The following FRYL variants were observed in gnomAD, a reference collection of about 807,000 sequenced individuals.
FRYL encodes the protein FRY like transcription coactivator, also known as protein furry homolog-like.
FRYL carries 150 observed loss-of-function variants against 351.2 expected under a neutral mutation model. That is an observed-to-expected ratio of 0.43 (90% CI 0.37 to 0.49). The LOEUF is 0.49. Ranked by LOEUF, FRYL falls within the 20% of genes least tolerant of loss-of-function variation. FRYL has a pLI of 0.00. For missense variants in FRYL, 3,036 were observed against 3,619.3 expected (o/e 0.84, Z 4.13); for synonymous variants, 1,153 against 1,257.1 (o/e 0.92, Z 1.75).
Position 48,521,028 on chromosome 4 carries a change from C to T in FRYL, c.7689+20G>A, listed in dbSNP as rs1342772987. The T allele has an allele frequency of 3.0e-5, 47 of 1,587,234 alleles. No homozygotes were observed. Among genetic ancestry groups the T allele is most frequent in the Middle Eastern group, 1.9e-4 (1 of 5,348 alleles). ...AAAAGAGCCCAGATTGGCCATGCAC[C>T]AGCCTCCATTTCTCCCCACCTCAGG... is the stretch of plus-strand genomic sequence containing the variant. On this transcript the variant is annotated intron_variant, in intron 55 of 63. Coordinates refer to ENST00000358350, the MANE Select transcript of FRYL (RefSeq NM_015030.2).
At chr4:48,553,445 T>C in intron 35 of FRYL, 62 bp from the exon 36 acceptor site, 1 of 1,193,120 alleles carries the variant, frequency 8.4e-7, no homozygotes, top group Non-Finnish European at 1.2e-6. Context: ...TAATTTCTCC[T>C]GAGACAAACT....
rs559123131 is a variant in FRYL, at chr4:48,713,176, A to G, written c.-383-2478T>C. Among the ~76,000 whole-genome samples, 52 of 152,212 alleles carry G rather than the reference A, an allele frequency of 3.4e-4. 1 individual carries two copies. In the South Asian group the frequency reaches 9.6e-3, roughly 28 times the overall value. ...CTAGGAAGAAACTGCATCAACTAAC[A>G]AGCAAAATAACCAGCTAACATCATA... On this transcript the variant is annotated intron_variant, in intron 1 of 63. Transcript: ENST00000358350.
intron 3 of FRYL, among the ~76,000 whole-genome samples, chr4:48,650,232 G>A (rs1042716704): frequency 5.3e-5 from 8 of 152,072 alleles, no homozygotes; most frequent in African/African-American, 1.7e-4. Flanking sequence ...AATTATAAAA[G>A]GGGTCATATA....
At chr4:48,655,792 CAT>C (rs1450147321) in intron 3 of FRYL, among the ~76,000 whole-genome samples, 1 of 142,242 alleles carries the variant, frequency 7.0e-6, no homozygotes, top group African/African-American at 2.6e-5. Flanking sequence ...ATTATATAAT[CAT>C]ATATAATGTA....
rs1007442280 is a variant in FRYL at position 48,535,775 on chromosome 4, C to G, written c.6446G>C (p.Ser2149Thr). Reference sequence around the variant, plus strand: ...GGAATACGTGTGTGTACTGTACAAACTCATCATGTGTGCCAGATTGACAAG... The same window carrying G: ...GGAATACGTGTGTGTACTGTACAAAGTCATCATGTGTGCCAGATTGACAAG... The part of the protein sequence containing the change: ...PTLVNLAHMM[S>T]LYSTHTYSRD... The change falls in exon 48 of 64, where the codon AGT becomes ACT. Residue 2149 changes from serine (S) to threonine (T), a missense_variant. Physicochemically the swap from Ser to Thr is moderately conservative, Grantham distance 58 (BLOSUM62 1). Around this residue, in one of 7 missense-constraint regions of FRYL, gnomAD observed 1,987 missense variants for 2,311.7 expected, o/e 0.86. Coordinates refer to ENST00000358350, the MANE Select transcript of FRYL (RefSeq NM_015030.2). The G allele has an allele frequency of 3.2e-6, 5 of 1,583,376 alleles. No homozygotes were observed. In the East Asian group the frequency reaches 9.1e-5, roughly 29 times the overall value.
intron 1 of FRYL, among the ~76,000 whole-genome samples, chr4:48,750,119 A>AGT (rs1249282044): frequency 2.9e-5 from 4 of 140,264 alleles, no homozygotes; most frequent in Middle Eastern, 4.2e-3. Context: ...GGTTGATAGA[A>AGT]CAAGACTCCA....
intron 59 of FRYL, among the ~76,000 whole-genome samples, chr4:48,508,319 G>C (rs1272474772): frequency 6.6e-6 from 1 of 152,146 alleles, no homozygotes; most frequent in African/African-American, 2.4e-5. Context: ...GAATGAGACT[G>C]CATTAAACCT....
chr4:48,644,805 G>C (rs1055604677), intron 3 of FRYL, among the ~76,000 whole-genome samples: 4 of 151,710 alleles, frequency 2.6e-5, no homozygotes, highest in African/African-American at 9.7e-5. Flanking sequence ...CTGTAGCCTA[G>C]AGAGCAAACC....
chr4:48,774,512 T>C (rs553477313), intron 1 of FRYL, among the ~76,000 whole-genome samples: 3 of 152,200 alleles, frequency 2.0e-5, no homozygotes, highest in East Asian at 3.9e-4. Context: ...TTGTCAAAGT[T>C]AAAAATATTT....
At chr4:48,541,466 G>A (rs1041251661) in intron 45 of FRYL, among the ~76,000 whole-genome samples, 4 of 152,184 alleles carry the variant, frequency 2.6e-5, no homozygotes, top group African/African-American at 9.7e-5. Context: ...TATTAGACAA[G>A]TCTTTTGAAA....
rs1736468939 is a variant in FRYL, at chr4:48,565,096, TGGTTGC to T, written c.3331-59_3331-54del. 6 of 1,068,748 alleles carry T rather than the reference TGGTTGC, an allele frequency of 5.6e-6. No homozygotes were observed. The East Asian group carries it at 1.6e-4, about 28-fold the overall frequency. 66.2% of individuals were successfully genotyped at this position (1,068,748 alleles called of 1,614,324 possible). A position where few individuals can be genotyped will look rare whatever the true frequency, so the allele number is the denominator to read the frequency against. ...TTAACAAATTTAAGAGGTTAAATGTTGGTTGCTTAATGAGAAGAGGCAAAATACTTA... is the reference window on the plus strand; with the variant it reads ...TTAACAAATTTAAGAGGTTAAATGTTTTAATGAGAAGAGGCAAAATACTTA... On this transcript the variant is annotated intron_variant, in intron 29 of 63. Coordinates refer to ENST00000358350, the MANE Select transcript of FRYL (RefSeq NM_015030.2).
intron 3 of FRYL, among the ~76,000 whole-genome samples, chr4:48,635,001 A>G (rs1432495519): frequency 2.6e-5 from 4 of 152,172 alleles, no homozygotes; most frequent in Non-Finnish European, 5.9e-5. Flanking sequence ...TGATTTTTAA[A>G]ATGAGGGAGC....
chr4:48,657,830 A>G (rs957993708), intron 3 of FRYL, among the ~76,000 whole-genome samples: 3 of 152,238 alleles, frequency 2.0e-5, no homozygotes, highest in African/African-American at 7.2e-5. Flanking sequence ...TCCTCCTGGC[A>G]TGAGCCAAAT....
chr4:48,778,690 A>T (rs1046954022), intron 1 of FRYL, among the ~76,000 whole-genome samples: 4 of 152,258 alleles, frequency 2.6e-5, no homozygotes, highest in Non-Finnish European at 4.4e-5. Flanking sequence ...GACGTCTTAT[A>T]CTAGTTTTTA....
chr4:48,693,557 A>G (rs1222741180), intron 2 of FRYL, among the ~76,000 whole-genome samples: 12 of 152,152 alleles, frequency 7.9e-5, no homozygotes, highest in Admixed American at 1.3e-4. Context: ...GAAGACATAA[A>G]TATTAAAATA....
intron 1 of FRYL, among the ~76,000 whole-genome samples, chr4:48,718,847 A>G (rs1188069704): frequency 6.6e-6 from 1 of 151,118 alleles, no homozygotes; most frequent in Non-Finnish European, 1.5e-5. Flanking sequence ...ATGCTCCCCC[A>G]ACACACAAAA....
intron 2 of FRYL, among the ~76,000 whole-genome samples, chr4:48,708,979 T>C (rs1282515577): frequency 6.7e-6 from 1 of 149,330 alleles, no homozygotes; most frequent in Non-Finnish European, 1.5e-5. Context: ...CTGGATGCGG[T>C]GGCGCGATCT....
chr4:48,707,777 T>A (rs1347174396), intron 2 of FRYL, among the ~76,000 whole-genome samples: 1 of 152,042 alleles, frequency 6.6e-6, no homozygotes, highest in Non-Finnish European at 1.5e-5. Context: ...TGCCAAAGAA[T>A]CACACCCTTC....
intron 31 of FRYL, 38 bp downstream of exon 31, chr4:48,563,910 C>T: frequency 6.3e-7 from 1 of 1,582,404 alleles, no homozygotes; most frequent in Non-Finnish European, 8.6e-7. Context: ...TTTAAGAAAA[C>T]AGAACAAAAT....
Sources: gnomAD v4.1 joint callset for allele counts (sites outside exome capture counted in the v4.1 genomes callset) on GRCh38, gnomAD v4.1.1 for gene constraint, gnomAD v4.1.1 regional missense constraint, MANE v1.5 for transcripts, NCBI Gene and HGNC (gene_info 2026-07-23, HGNC 2026-07-21) for gene names.